NAV1: variants seen among roughly 807,000 people sequenced by gnomAD.
NAV1 encodes the protein neuron navigator 1.
In NAV1, 18 loss-of-function variants were observed where a neutral mutation model predicts 175.2. The ratio of observed to expected loss-of-function variants is 0.10; its 90% confidence interval spans 0.07 to 0.15. NAV1 has a LOEUF of 0.15. Among genes scored for constraint, NAV1 ranks in the 10% least tolerant of loss-of-function variants. NAV1 has a pLI of 1.00. For synonymous variants in NAV1, 897 were observed against 978.7 expected (o/e 0.92, Z 1.56); for missense variants, 1,731 against 2,436.6 (o/e 0.71, Z 6.10).
intron 2 of NAV1, among the ~76,000 whole-genome samples, chr1:201,614,378 A>G (rs374185999): frequency 3.3e-5 from 5 of 152,326 alleles, no homozygotes; most frequent in East Asian, 1.9e-4. Context: ...CAACCCCGGC[A>G]GCTGCTGCGG....
At position 201,683,209 on chromosome 1, in the gene NAV1, A is replaced by G. The variant is rs74399918; in HGVS notation, c.758-29608A>G. Among the ~76,000 whole-genome samples the G allele has an allele frequency of 6.6e-5, 10 of 152,308 alleles. No homozygotes were observed. The East Asian group carries it at 1.7e-3, about 26-fold the overall frequency. The stretch of plus-strand genomic sequence containing the variant: ...TCAGGTATTTTGCAGAATGTCCTGC[A>G]GTGGTTTTAACTGATATTTTTCTCA... On this transcript the variant is annotated intron_variant, in intron 1 of 29. Coordinates refer to ENST00000367296, the Ensembl canonical transcript of NAV1.
intron 2 of NAV1, among the ~76,000 whole-genome samples, chr1:201,603,273 T>C (rs927315002): frequency 2.6e-5 from 4 of 152,242 alleles, no homozygotes; most frequent in Non-Finnish European, 4.4e-5. Flanking sequence ...AAGCTCCACC[T>C]GCCTGCAGTA....
intron 1 of NAV1, among the ~76,000 whole-genome samples, chr1:201,565,170 G>T (rs1666315926): frequency 6.6e-6 from 1 of 152,108 alleles, no homozygotes; most frequent in Admixed American, 6.5e-5. Context: ...TGGATTGTTG[G>T]CAGGAATAAA....
At chr1:201,598,973 G>A (rs1667439794) in intron 2 of NAV1, among the ~76,000 whole-genome samples, 2 of 152,324 alleles carry the variant, frequency 1.3e-5, no homozygotes, top group South Asian at 2.1e-4. Context: ...TTGGCATCAG[G>A]AAGGAGCTGC....
chr1:201,596,212 T>C lies in NAV1; in HGVS notation c.-33+7563T>C, dbSNP rs867464815. 2.0e-5 allele frequency among the ~76,000 whole-genome samples: 3 copies of C among 152,224 alleles called. No individual in the cohort carries two copies. The South Asian group carries it at 6.2e-4, about 32-fold the overall frequency. ...GGCATGTGGTACGTGTCCATCAGTG[T>C]TTGCTGTTATTATTTCTCTCTTGAG... On this transcript the variant is annotated intron_variant, in intron 2 of 33. Transcript: ENST00000685211.
chr1:201,549,498 C>A (rs374670364), intron 1 of NAV1, among the ~76,000 whole-genome samples: 2 of 152,220 alleles, frequency 1.3e-5, no homozygotes, highest in Admixed American at 6.5e-5. Context: ...CATGCGCCAA[C>A]GCGCCTGGCC....
chr1:201,785,227 C>A, intron 7 of NAV1, 83 bp from the exon 12 acceptor site: 1 of 1,477,562 alleles, frequency 6.8e-7, no homozygotes, highest in South Asian at 1.2e-5. Flanking sequence ...TACCTCACAC[C>A]AATGGTCCTA....
At chr1:201,680,461 G>A (rs551630538) in intron 1 of NAV1, among the ~76,000 whole-genome samples, 32 of 152,128 alleles carry the variant, frequency 2.1e-4, no homozygotes, top group African/African-American at 6.7e-4. Context: ...AGCCGAGATC[G>A]CGCCATTGCA....
In NAV1 at chr1:201,703,114, G is replaced by A. The variant is rs191121645; in HGVS notation, c.758-9703G>A. On this transcript the variant is annotated intron_variant, in intron 1 of 29. Coordinates refer to ENST00000367296, the Ensembl canonical transcript of NAV1. ...TTGCCTGCAGATGGTTCTCTCTGCT[G>A]TGTAAACTGTTGCCATAACAACCAC... Among the ~76,000 whole-genome samples the A allele has an allele frequency of 8.7e-3, 1,319 of 152,292 alleles. 45 individuals carry two copies. The East Asian group carries it at 0.091, about 11-fold the overall frequency.
intron 3 of NAV1, among the ~76,000 whole-genome samples, chr1:201,722,176 CT>C (rs2102494308): frequency 6.6e-6 from 1 of 152,286 alleles, no homozygotes; most frequent in South Asian, 2.1e-4. Flanking sequence ...ATTCACACTG[CT>C]GTGTAACCAT....
At chr1:201,615,172 G>C (rs1431802513) in intron 2 of NAV1, among the ~76,000 whole-genome samples, 1 of 152,082 alleles carries the variant, frequency 6.6e-6, no homozygotes, top group Non-Finnish European at 1.5e-5. Flanking sequence ...CCCATTCTGT[G>C]TCTGAATTTG....
At chr1:201,580,582 G>T (rs111258145) in intron 1 of NAV1, among the ~76,000 whole-genome samples, 1 of 152,246 alleles carries the variant, frequency 6.6e-6, no homozygotes, top group African/African-American at 2.4e-5. Context: ...AGACCAGCCT[G>T]GCCAACATGG....
chr1:201,808,220 GC>G lies in NAV1; in HGVS notation c.3845+73del. ...AGCTGTGGGCTAGAGTTGACAGGAG[GC>G]CATTAGACCTTAGACAAGCAGTACT... is the stretch of plus-strand genomic sequence containing the variant. On this transcript the variant is annotated intron_variant, in intron 18 of 29. Coordinates refer to ENST00000367296, the Ensembl canonical transcript of NAV1. The surrounding 1 kb of genome is among the most constrained non-coding windows in gnomAD (Gnocchi z 5.5). 6.4e-7 allele frequency: 1 copy of G among 1,554,602 alleles called. No homozygotes were observed. The highest frequency in any genetic ancestry group is 8.8e-7 in the Non-Finnish European group (1 of 1,134,668).
intron 16 of NAV1, 145 bp from the exon 21 acceptor site, chr1:201,804,344 C>A: frequency 3.9e-6 from 3 of 765,580 alleles, no homozygotes; most frequent in South Asian, 1.9e-5. Context: ...ACACGTCCTG[C>A]TCCTCTGTCC....
chr1:201,648,729 G>T (rs1256425165), exon 1 of NAV1: 6 of 1,414,680 alleles, frequency 4.2e-6, no homozygotes, highest in Non-Finnish European at 5.5e-6. Flanking sequence ...CGGCGGCGGC[G>T]ACGAGGGCGC....
At chr1:201,559,196 C>T (rs1220339873) in intron 1 of NAV1, among the ~76,000 whole-genome samples, 2 of 152,106 alleles carry the variant, frequency 1.3e-5, no homozygotes, top group African/African-American at 2.4e-5. Flanking sequence ...CCCGTTTCCC[C>T]TCTGTAAATT....
intron 1 of NAV1, among the ~76,000 whole-genome samples, chr1:201,710,938 A>AT (rs1671877386): frequency 6.6e-6 from 1 of 152,190 alleles, no homozygotes; most frequent in Non-Finnish European, 1.5e-5. Flanking sequence ...TGCCAAGCCC[A>AT]TAAAAAGCAT....
chr1:201,591,170 C>T (rs532724614), intron 2 of NAV1, among the ~76,000 whole-genome samples: 1 of 152,292 alleles, frequency 6.6e-6, no homozygotes, highest in East Asian at 1.9e-4. Context: ...TCAGCCCTTT[C>T]CTTTGCCTCT....
In NAV1 at chr1:201,718,617, C is replaced by T; in HGVS notation, c.1088C>T (p.Pro363Leu). ...TCCCACACCATGCCCATGCGCAGCC[C>T]CAGCAAGCTCAGCCATATCTCCCGC... Residue 363 changes from proline to leucine, a missense_variant, in exon 3 of 30, where the codon CCC becomes CTC. Around this residue, in one of 13 missense-constraint regions of NAV1, gnomAD observed 487 missense variants for 581.3 expected, o/e 0.84. Coordinates refer to ENST00000367296, the Ensembl canonical transcript of NAV1. The surrounding 1 kb of genome is among the most constrained non-coding windows in gnomAD (Gnocchi z 4.8). The T allele has an allele frequency of 6.2e-7, 1 of 1,614,206 alleles. No individual in the cohort carries two copies. Among genetic ancestry groups the T allele is most frequent in the South Asian group, 1.1e-5 (1 of 91,086 alleles).
Sources: gnomAD v4.1 joint callset for allele counts (sites outside exome capture counted in the v4.1 genomes callset) on GRCh38, gnomAD v4.1.1 for gene constraint, gnomAD v4.1.1 regional missense constraint, Gnocchi (gnomAD v3.1) non-coding constraint, MANE v1.5 for transcripts, NCBI Gene and HGNC (gene_info 2026-07-23, HGNC 2026-07-21) for gene names.